Variants in SMYD3 observed in about 807,000 individuals in gnomAD.
SMYD3 encodes the protein SET and MYND domain containing 3.
A neutral mutation model predicts 57.7 loss-of-function variants in SMYD3; 36 were observed. That is an observed-to-expected ratio of 0.62 (90% confidence interval 0.48 to 0.82). SMYD3 has a LOEUF of 0.82. SMYD3 is among the 40% of genes least tolerant of loss of function. The pLI, the probability that SMYD3 is intolerant of heterozygous loss-of-function variation, is 0.00. For synonymous variants in SMYD3, 211 were observed against 195.0 expected (o/e 1.08, Z -0.68); for missense variants, 515 against 538.8 (o/e 0.96, Z 0.44).
chr1:246,173,174 AC>A (rs1480397920), intron 5 of SMYD3, among the ~76,000 whole-genome samples: 1 of 151,004 alleles, frequency 6.6e-6, no homozygotes, highest in Admixed American at 6.6e-5. Context: ...TCCACACTGT[AC>A]GCTTAGGCTA....
intron 5 of SMYD3, among the ~76,000 whole-genome samples, chr1:246,057,989 A>G (rs1033968786): frequency 2.2e-4 from 34 of 152,246 alleles, no homozygotes; most frequent in African/African-American, 8.2e-4. Flanking sequence ...ACTAAGCGAA[A>G]GAAGGCAGTG....
At chr1:246,119,538 G>T (rs1249044855) in intron 5 of SMYD3, among the ~76,000 whole-genome samples, 3 of 150,954 alleles carry the variant, frequency 2.0e-5, no homozygotes, top group Admixed American at 1.3e-4. Context: ...TCAGCCTCCT[G>T]AGTAGCTGAG....
rs114964379 is a variant in SMYD3 at position 246,008,238 on chromosome 1, T to G, written c.532-78301A>C. On this transcript the variant is annotated intron_variant, in intron 5 of 11. Coordinates refer to ENST00000490107, the MANE Select transcript of SMYD3 (RefSeq NM_001167740.2). ...TAATGAAGAAACACAACCTGTGCAT[T>G]GTATTCTGAAAGGCCTCGGAGAAAC... is the stretch of plus-strand genomic sequence containing the variant. Among the ~76,000 whole-genome samples, 844 of 152,324 alleles carry G rather than the reference T, an allele frequency of 5.5e-3. 5 individuals carry two copies. The highest frequency in any genetic ancestry group is 0.019 in the African/African-American group (804 of 41,572).
intron 5 of SMYD3, among the ~76,000 whole-genome samples, chr1:246,297,993 A>T (rs1558385382): frequency 6.6e-6 from 1 of 152,126 alleles, no homozygotes; most frequent in Non-Finnish European, 1.5e-5. Flanking sequence ...TGAATATTCC[A>T]TCATCTTTAA....
intron 5 of SMYD3, among the ~76,000 whole-genome samples, chr1:246,112,455 C>T (rs2061260905): frequency 6.6e-6 from 1 of 152,086 alleles, no homozygotes; most frequent in Admixed American, 6.5e-5. Context: ...TGCTTTCCTC[C>T]AAATCATTTC....
intron 5 of SMYD3, among the ~76,000 whole-genome samples, chr1:246,304,415 T>G (rs2064945609): frequency 6.6e-6 from 1 of 152,154 alleles, no homozygotes; most frequent in African/African-American, 2.4e-5. Context: ...ATGAAAGACT[T>G]TCAATGTAAT....
chr1:246,295,438 T>G (rs1362862801), intron 5 of SMYD3, among the ~76,000 whole-genome samples: 2 of 152,154 alleles, frequency 1.3e-5, no homozygotes, highest in African/African-American at 4.8e-5. Flanking sequence ...ATTCCAACTA[T>G]AAGAGGCAGC....
Position 246,209,060 on chromosome 1 carries a change from C to T in SMYD3, c.531+118141G>A, listed in dbSNP as rs140831650. 2.7e-3 allele frequency among the ~76,000 whole-genome samples: 413 copies of T among 152,232 alleles called. No individual in the cohort carries two copies. The Middle Eastern group carries it at 0.068, about 25-fold the overall frequency. On this transcript the variant is annotated intron_variant, in intron 5 of 11. Coordinates refer to ENST00000490107, the MANE Select transcript of SMYD3 (RefSeq NM_001167740.2). ...AAATATAAATGTAATAAAAATGTCTCCATCACAGAATATACAAATTAAGTC... is the reference window on the plus strand; with the variant it reads ...AAATATAAATGTAATAAAAATGTCTTCATCACAGAATATACAAATTAAGTC...
chr1:246,080,791 C>A (rs1417933634), intron 5 of SMYD3, among the ~76,000 whole-genome samples: 3 of 152,116 alleles, frequency 2.0e-5, no homozygotes, highest in Middle Eastern at 3.2e-3. Flanking sequence ...CTCTAGAATG[C>A]GAACTCTATA....
intron 5 of SMYD3, among the ~76,000 whole-genome samples, chr1:245,983,181 G>A (rs1434836999): frequency 1.3e-5 from 2 of 152,082 alleles, no homozygotes; most frequent in Non-Finnish European, 2.9e-5. Flanking sequence ...GGCAGCTTTC[G>A]GGACATTGTT....
rs749467488 is a variant in SMYD3 at position 246,000,154 on chromosome 1, C to T, written c.532-70217G>A. 5.9e-5 allele frequency among the ~76,000 whole-genome samples: 9 copies of T among 152,258 alleles called. No individual in the cohort carries two copies. In the East Asian group the frequency reaches 1.2e-3, roughly 20 times the overall value. ...ATGATGATAAGATATATAAATCATG[C>T]GGCTTGGGTTTTCAATGGAGGCATT... On this transcript the variant is annotated intron_variant, in intron 5 of 11. Coordinates refer to ENST00000490107, the MANE Select transcript of SMYD3 (RefSeq NM_001167740.2).
intron 1 of SMYD3, among the ~76,000 whole-genome samples, chr1:246,406,315 T>C (rs2066865629): frequency 2.0e-5 from 3 of 152,176 alleles, no homozygotes; most frequent in Non-Finnish European, 2.9e-5. Context: ...ATGCTTGGCA[T>C]AGAGTAAGAG....
chr1:246,416,410 T>C (rs2067061597), intron 1 of SMYD3, among the ~76,000 whole-genome samples: 1 of 152,200 alleles, frequency 6.6e-6, no homozygotes, highest in African/African-American at 2.4e-5. Flanking sequence ...ATCTGCATTC[T>C]TACTTGATTA....
chr1:246,459,266 G>C (rs1019680878), intron 1 of SMYD3, among the ~76,000 whole-genome samples: 8 of 143,386 alleles, frequency 5.6e-5, no homozygotes, highest in African/African-American at 1.8e-4. Context: ...TCTCGTGATA[G>C]AGTCCTCAAG....
At chr1:246,255,499 G>C (rs2063867943) in intron 5 of SMYD3, among the ~76,000 whole-genome samples, 1 of 151,808 alleles carries the variant, frequency 6.6e-6, no homozygotes, top group Non-Finnish European at 1.5e-5. Flanking sequence ...TGCATATATT[G>C]AATCAACTTT....
intron 5 of SMYD3, among the ~76,000 whole-genome samples, chr1:246,008,445 T>C (rs937310132): frequency 6.6e-6 from 1 of 152,148 alleles, no homozygotes; most frequent in Non-Finnish European, 1.5e-5. Flanking sequence ...TTCTGGGAGG[T>C]GATCTGCCCT....
Position 245,934,372 on chromosome 1 carries a change from A to G in SMYD3, c.532-4435T>C, listed in dbSNP as rs147765430. On this transcript the variant is annotated intron_variant, in intron 5 of 11. Coordinates refer to ENST00000490107, the MANE Select transcript of SMYD3 (RefSeq NM_001167740.2). ...ATATTTCTCTAACTTTAAAAGCACA[A>G]TAAGAATTTTAATCAGGGTATATTT... Among the ~76,000 whole-genome samples the G allele has an allele frequency of 1.5e-4, 22 of 151,154 alleles. 1 individual carries two copies. The East Asian group carries it at 3.3e-3, about 23-fold the overall frequency.
At chr1:246,294,966 T>C (rs2064764898) in intron 5 of SMYD3, among the ~76,000 whole-genome samples, 1 of 152,182 alleles carries the variant, frequency 6.6e-6, no homozygotes, top group Non-Finnish European at 1.5e-5. Flanking sequence ...TTTTACAGGG[T>C]TACTGTGGAG....
intron 10 of SMYD3, among the ~76,000 whole-genome samples, chr1:245,793,890 C>G (rs1363542919): frequency 6.6e-6 from 1 of 152,134 alleles, no homozygotes; most frequent in Non-Finnish European, 1.5e-5. Flanking sequence ...ACAGTTAACC[C>G]AGCTTTCCTC....
Sources: gnomAD v4.1 joint callset for allele counts (sites outside exome capture counted in the v4.1 genomes callset) on GRCh38, gnomAD v4.1.1 for gene constraint, MANE v1.5 for transcripts, NCBI Gene and HGNC (gene_info 2026-07-23, HGNC 2026-07-21) for gene names.